Variants in ACADSB observed in about 807,000 individuals in gnomAD.
The protein encoded by ACADSB is acyl-CoA dehydrogenase short/branched chain.
ACADSB carries 40 observed loss-of-function variants against 54.1 expected under a neutral mutation model. The ratio of observed to expected loss-of-function variants is 0.74; its 90% confidence interval spans 0.57 to 0.96. The LOEUF is 0.96. Ranked by LOEUF, ACADSB falls within the 40% of genes least tolerant of loss-of-function variation. ACADSB has a pLI of 0.00. For missense variants in ACADSB, 530 were observed against 510.4 expected (o/e 1.04, Z -0.37); for synonymous variants, 182 against 182.8 (o/e 1.00, Z 0.03).
chr10:123,047,907 A>G (rs997299796), intron 8 of ACADSB, among the ~76,000 whole-genome samples: 9 of 152,182 alleles, frequency 5.9e-5, no homozygotes, highest in Non-Finnish European at 1.3e-4. Flanking sequence ...GCAGTCAGCC[A>G]AGCACTTGGG....
intron 1 of ACADSB, among the ~76,000 whole-genome samples, chr10:123,012,964 C>T (rs1850057533): frequency 6.6e-6 from 1 of 151,976 alleles, no homozygotes; most frequent in African/African-American, 2.4e-5. Context: ...AAAAGTTCTC[C>T]ACCTCCCCAC....
intron 10 of ACADSB, 77 bp downstream of exon 10, chr10:123,053,237 T>G: frequency 3.2e-6 from 4 of 1,230,970 alleles, no homozygotes; most frequent in Non-Finnish European, 4.6e-6. Flanking sequence ...TTATTTGTCG[T>G]TTTTTTCCTA....
chr10:123,023,303 C>G (rs1850207856), intron 1 of ACADSB, among the ~76,000 whole-genome samples: 1 of 152,164 alleles, frequency 6.6e-6, no homozygotes, highest in Non-Finnish European at 1.5e-5. Flanking sequence ...GAAGGCATTT[C>G]TATTTTTGTT....
At chr10:123,029,057 A>G (rs1447282198) in intron 1 of ACADSB, among the ~76,000 whole-genome samples, 1 of 152,130 alleles carries the variant, frequency 6.6e-6, no homozygotes, top group African/African-American at 2.4e-5. Context: ...TTCAAAAGAA[A>G]TAAAACAGAC....
intron 6 of ACADSB, among the ~76,000 whole-genome samples, chr10:123,043,641 G>A (rs891450762): frequency 6.6e-6 from 1 of 152,174 alleles, no homozygotes; most frequent in Non-Finnish European, 1.5e-5. Context: ...GGCAGGTGGT[G>A]TCGGCTTTTC....
At chr10:123,014,138 C>T (rs1850082004) in intron 1 of ACADSB, among the ~76,000 whole-genome samples, 1 of 152,082 alleles carries the variant, frequency 6.6e-6, no homozygotes, top group Non-Finnish European at 1.5e-5. Context: ...CAACTTTGGC[C>T]TTCTCTTGCT....
chr10:123,034,367 T>C lies in ACADSB; in HGVS notation c.54T>C (p.Asn18=). The change falls in exon 2 of 11, where the codon AAT becomes AAC. Residue 18 remains asparagine (N), a synonymous_variant. Transcript: ENST00000358776. ...TATGTTCCCTACAGCTAAGAAGAAA[T>C]TTCCTGACTTGTTTGTCTTCTTGGA... ...LLRGSRLLRR[N]FLTCLSSWKI... 6.2e-7 allele frequency: 1 copy of C among 1,613,744 alleles called. No individual in the cohort carries two copies. Among genetic ancestry groups the C allele is most frequent in the Non-Finnish European group, 8.5e-7 (1 of 1,179,964 alleles).
At chr10:123,028,912 G>A (rs1181061427) in intron 1 of ACADSB, among the ~76,000 whole-genome samples, 1 of 151,894 alleles carries the variant, frequency 6.6e-6, no homozygotes, top group Non-Finnish European at 1.5e-5. Context: ...CTTAATTAAA[G>A]TTTTTTCTTG....
In ACADSB at chr10:123,054,511, A is replaced by G. The variant is rs1235022307; in HGVS notation, c.*746A>G. ...TTTTATCCAGTACTTTATAGATTCA[A>G]CTCTAAGTTGCAAGCGAAGTCAAAA... On this transcript the variant is annotated 3_prime_UTR_variant, in exon 11 of 11. Coordinates refer to ENST00000358776, the MANE Select transcript of ACADSB (RefSeq NM_001609.4). The G allele has an allele frequency of 6.6e-6, 1 of 152,192 alleles. No homozygotes were observed. The highest frequency in any genetic ancestry group is 2.4e-5 in the African/African-American group (1 of 41,458). The allele number at this position is 152,192 out of a possible 1,614,324, so 9.4% of individuals were successfully genotyped here.
intron 1 of ACADSB, among the ~76,000 whole-genome samples, chr10:123,022,395 A>G (rs11248364): frequency 0.14 from 21,561 of 152,220 alleles, 1,648 homozygotes; most frequent in South Asian, 0.23. Flanking sequence ...GCATTGGACA[A>G]TCTCCACTGC....
chr10:123,012,246 CTTG>C (rs1369102576), intron 1 of ACADSB, among the ~76,000 whole-genome samples: 1 of 152,208 alleles, frequency 6.6e-6, no homozygotes, highest in African/African-American at 2.4e-5. Context: ...ACATATAATT[CTTG>C]TTGTTTAACT....
intron 2 of ACADSB, among the ~76,000 whole-genome samples, chr10:123,035,644 G>A (rs1181511954): frequency 6.6e-6 from 1 of 152,198 alleles, no homozygotes; most frequent in Admixed American, 6.5e-5. Flanking sequence ...CAGTTGGGCT[G>A]TGTTTTCGTC....
chr10:123,050,266 C>A (rs538846540), intron 8 of ACADSB, among the ~76,000 whole-genome samples: 1 of 152,286 alleles, frequency 6.6e-6, no homozygotes, highest in East Asian at 1.9e-4. Flanking sequence ...ATTGTCTGTT[C>A]TTCCTGCTGG....
At chr10:123,018,078 A>T (rs1468189479) in intron 1 of ACADSB, among the ~76,000 whole-genome samples, 1 of 152,136 alleles carries the variant, frequency 6.6e-6, no homozygotes, top group Non-Finnish European at 1.5e-5. Flanking sequence ...TCATGGCCTG[A>T]AACAGTCTCT....
rs765353247 is a variant in ACADSB at position 123,051,206 on chromosome 10, A to AG, written c.1128+20_1128+21insG. The AG allele has an allele frequency of 1.3e-5, 18 of 1,377,074 alleles. No homozygotes were observed. The East Asian group carries it at 4.1e-4, about 31-fold the overall frequency. The allele number at this position is 1,377,074 out of a possible 1,614,324, so 85.3% of individuals were successfully genotyped here. On this transcript the variant is annotated intron_variant, in intron 9 of 10. Transcript: ENST00000358776. ...TCAGAGGTAAAAAAAAAAAAAAAAA[A>AG]AAAAAAGGAAAAAGTAATTCAGCCT...
chr10:123,014,200 C>T (rs769003118), intron 1 of ACADSB, among the ~76,000 whole-genome samples: 1 of 152,194 alleles, frequency 6.6e-6, no homozygotes, highest in Non-Finnish European at 1.5e-5. Flanking sequence ...ACCCTCTTGC[C>T]TTTCTCTTTG....
At chr10:123,046,169 T>C (rs1359976106) in intron 7 of ACADSB, among the ~76,000 whole-genome samples, 1 of 152,224 alleles carries the variant, frequency 6.6e-6, no homozygotes, top group East Asian at 1.9e-4. Flanking sequence ...CATTTGAATT[T>C]GGGGTTTGTG....
At chr10:123,033,909 C>T (rs112745370) in intron 1 of ACADSB, among the ~76,000 whole-genome samples, 3,666 of 152,242 alleles carry the variant, frequency 0.024, 69 homozygotes, top group Middle Eastern at 0.041. Flanking sequence ...CAGCACAGGG[C>T]AGGTAGCTCT....
chr10:123,037,943 A>G, intron 3 of ACADSB, 96 bp downstream of exon 3: 2 of 942,592 alleles, frequency 2.1e-6, no homozygotes. Context: ...AGTCAAAATT[A>G]TCTGTTTTCT....
Sources: gnomAD v4.1 joint callset for allele counts (sites outside exome capture counted in the v4.1 genomes callset) on GRCh38, gnomAD v4.1.1 for gene constraint, MANE v1.5 for transcripts, NCBI Gene and HGNC (gene_info 2026-07-23, HGNC 2026-07-21) for gene names.